SELP: variants seen among roughly 807,000 people sequenced by gnomAD.
The protein encoded by SELP is selectin P.
SELP carries 92 observed loss-of-function variants against 104.1 expected under a neutral mutation model. The observed-to-expected ratio is 0.88, with a 90% CI of 0.75 to 1.05. The LOEUF (loss-of-function observed/expected upper bound fraction) is 1.05, where lower values mean the gene tolerates loss of function less well. Ranked by LOEUF, SELP falls within the 50% of genes least tolerant of loss-of-function variation. The pLI is 0.00. For synonymous variants in SELP, 397 were observed against 364.5 expected (o/e 1.09, Z -1.01); for missense variants, 1,022 against 1,017.3 (o/e 1.00, Z -0.06).
intron 9 of SELP, 124 bp from the exon 10 acceptor site, chr1:169,603,335 G>C: frequency 2.7e-6 from 2 of 742,226 alleles, no homozygotes; most frequent in Non-Finnish European, 2.1e-6. Flanking sequence ...GTGTGTGTGT[G>C]TGTGTGTGTG....
chr1:169,613,839 A>G, intron 3 of SELP, 146 bp from the exon 4 acceptor site: 1 of 650,636 alleles, frequency 1.5e-6, no homozygotes. Flanking sequence ...CTAGAGAGCC[A>G]ACCTGTCCCT....
rs769618521 is a variant in SELP, at chr1:169,617,203, T to C, written c.306A>G (p.Thr102=). 6.8e-6 allele frequency: 11 copies of C among 1,614,234 alleles called. No individual in the cohort carries two copies. In the East Asian group the frequency reaches 1.6e-4, roughly 23 times the overall value. ...IGIRKNNKTW[T]WVGTKKALTN... is the part of the protein sequence containing the mutation. ...TGAGAGCCTTTTTGGTTCCCACCCATGTCCATGTCTTATTGTTCTTTCGGA... is the reference window on the plus strand; with the variant it reads ...TGAGAGCCTTTTTGGTTCCCACCCACGTCCATGTCTTATTGTTCTTTCGGA... The change falls in exon 3 of 17, where the codon ACA becomes ACG. Residue 102 remains threonine (T), a synonymous_variant. Transcript: ENST00000263686.
intron 3 of SELP, 73 bp downstream of exon 3, chr1:169,616,955 T>TCGGCG: frequency 7.4e-7 from 1 of 1,349,994 alleles, no homozygotes; most frequent in South Asian, 2.1e-5. Context: ...GACTCGGTGG[T>TCGGCG]TATGTTGGCC....
intron 9 of SELP, among the ~76,000 whole-genome samples, chr1:169,604,655 G>A (rs556179893): frequency 6.6e-6 from 1 of 152,124 alleles, no homozygotes; most frequent in Non-Finnish European, 1.5e-5. Context: ...CTTGTCCAAA[G>A]ATCTGGTTCT....
rs769339252 is a variant in SELP at position 169,611,682 on chromosome 1, A to G, written c.962-5T>C. The G allele has an allele frequency of 2.5e-6, 4 of 1,613,084 alleles. No individual in the cohort carries two copies. In the African/African-American group the frequency reaches 5.4e-5, roughly 22 times the overall value. The stretch of plus-strand genomic sequence containing the variant: ...CCAGGTGCTGACACTGCACAGCTGG[A>G]GAGAATAACCAAGGATAAAGAGAAA... On this transcript the variant is annotated splice_region_variant and splice_polypyrimidine_tract_variant and intron_variant, in intron 6 of 16. Transcript: ENST00000263686.
chr1:169,619,120 A>G lies in SELP; in HGVS notation c.94+9T>C. ...TTAGGCCTAAGTGAAAAGTTAGCAT[A>G]AAGTTTACCAGAGATCAGGGCACTG... is the stretch of plus-strand genomic sequence containing the variant. On this transcript the variant is annotated intron_variant, in intron 2 of 16. Transcript: ENST00000263686. The G allele has an allele frequency of 6.2e-7, 1 of 1,607,534 alleles. No individual in the cohort carries two copies.
intron 10 of SELP, among the ~76,000 whole-genome samples, chr1:169,600,233 A>AG (rs1557950796): frequency 6.6e-6 from 1 of 151,806 alleles, no homozygotes; most frequent in African/African-American, 2.4e-5. Flanking sequence ...ATTCAGAAAA[A>AG]AAATAAATTA....
rs149583921 is a variant in SELP, at chr1:169,613,927, G to A, written c.482-234C>T. On this transcript the variant is annotated intron_variant, in intron 3 of 16. Coordinates refer to ENST00000263686, the MANE Select transcript of SELP (RefSeq NM_003005.4). ...ACTGCATTTAGTATTTCCTAAGGAG[G>A]GTATTGTTGTGTGTGGACACAGAGG... 3.0e-4 allele frequency among the ~76,000 whole-genome samples: 45 copies of A among 152,330 alleles called. 2 individuals carry two copies. In the East Asian group the frequency reaches 6.9e-3, roughly 23 times the overall value.
chr1:169,608,601 TC>T (rs1662323153), intron 8 of SELP, among the ~76,000 whole-genome samples: 1 of 152,224 alleles, frequency 6.6e-6, no homozygotes, highest in Admixed American at 6.5e-5. Flanking sequence ...TTTTTACTTA[TC>T]CTTTCATCCA....
At position 169,617,242 on chromosome 1, in the gene SELP, G is replaced by C. The variant is rs745369115; in HGVS notation, c.267C>G (p.Tyr89Ter). 1 of 1,614,112 alleles carries C rather than the reference G, an allele frequency of 6.2e-7. No individual in the cohort carries two copies. Among genetic ancestry groups the C allele is most frequent in the Non-Finnish European group, 8.5e-7 (1 of 1,180,012 alleles). ...LNKVLPYYSS[Y>*]YWIGIRKNNK... is the part of the protein sequence containing the mutation. ...TGTTCTTTCGGATCCCAATCCAGTA[G>C]TAGGAGCTGTAGTAGGGTAGGACCT... Residue 89 changes from tyrosine (Y) to a stop codon, truncating the protein, a stop_gained, in exon 3 of 17, where the codon TAC (tyrosine) becomes TAG (stop). Coordinates refer to ENST00000263686, the MANE Select transcript of SELP (RefSeq NM_003005.4). LOFTEE classifies it high-confidence loss of function.
Position 169,611,492 on chromosome 1 carries a change from C to G in SELP, c.1147G>C (p.Ala383Pro). ...HWSAPLPTCE[A>P]ISCEPLESPV... is the part of the protein sequence containing the mutation. ...GGAGGTTGCTAATGAAAAATCCTAC[C>G]CTCACAGGTTGGCAAGGGTGCAGAC... The change falls in exon 7 of 17, where the codon GCT becomes CCT. Residue 383 changes from alanine (A) to proline (P), a missense_variant and splice_region_variant. Transcript: ENST00000263686. 2 of 1,613,502 alleles carry G rather than the reference C, an allele frequency of 1.2e-6. No individual in the cohort carries two copies. The highest frequency in any genetic ancestry group is 1.3e-5 in the African/African-American group (1 of 74,956).
chr1:169,612,825 G>A (rs1662610965), intron 5 of SELP, 104 bp downstream of exon 5: 1 of 954,350 alleles, frequency 1.0e-6, no homozygotes, highest in Non-Finnish European at 1.5e-6. Flanking sequence ...ATCTAACCTA[G>A]ATGGTCATTA....
At chr1:169,599,126 G>A (rs141847995) in intron 10 of SELP, among the ~76,000 whole-genome samples, 4 of 152,258 alleles carry the variant, frequency 2.6e-5, no homozygotes, top group African/African-American at 9.6e-5. Context: ...ATGTAAAGAA[G>A]TGGGTTTACC....
At chr1:169,612,534 T>C (rs1443503252) in intron 5 of SELP, 132 bp from the exon 6 acceptor site, 6 of 776,660 alleles carry the variant, frequency 7.7e-6, no homozygotes, top group Non-Finnish European at 1.3e-5. Context: ...AATGGTTAAA[T>C]GGTGTTTTCA....
In SELP at chr1:169,593,619, CG is replaced by C. The variant is rs761803870; in HGVS notation, c.2392del (p.Arg798ValfsTer12). 6.2e-7 allele frequency: 1 copy of C among 1,612,738 alleles called. No homozygotes were observed. Among genetic ancestry groups the C allele is most frequent in the South Asian group, 1.1e-5 (1 of 91,006 alleles). ...TTCCTATTTACCTTTTTGTCTGAAACGCTTTCTTAGCAAAGCCAGGAGCGTC... is the reference window on the plus strand; with the variant it reads ...TTCCTATTTACCTTTTTGTCTGAAACCTTTCTTAGCAAAGCCAGGAGCGTC... ...GGTLLALLRKRFRQKDDGKCP... is the reference protein window; with the variant it reads ...GGTLLALLRKXFRQKDDGKCP... On this transcript the variant is annotated frameshift_variant, in exon 14 of 17. Coordinates refer to ENST00000263686, the MANE Select transcript of SELP (RefSeq NM_003005.4). LOFTEE classifies it high-confidence loss of function.
chr1:169,626,915 G>A (rs575793173), intron 1 of SELP, among the ~76,000 whole-genome samples: 12 of 152,194 alleles, frequency 7.9e-5, no homozygotes, highest in East Asian at 5.8e-4. Context: ...TGGAGCCCCT[G>A]GGCTCAAGCA....
chr1:169,619,214 G>A lies in SELP; in HGVS notation c.9C>T (p.Asn3=). The A allele has an allele frequency of 1.9e-6, 3 of 1,613,766 alleles. No individual in the cohort carries two copies. The highest frequency in any genetic ancestry group is 2.5e-6 in the Non-Finnish European group (3 of 1,179,696). Reference sequence around the variant, plus strand: ...TCTGGTACAAGATGGCTATTTGGCAGTTGGCCTGAAACAAGAAGAGAAAAC... The same window carrying A: ...TCTGGTACAAGATGGCTATTTGGCAATTGGCCTGAAACAAGAAGAGAAAAC... MA[N]CQIAILYQRF... is the part of the protein sequence containing the mutation. Residue 3 remains asparagine (N), a synonymous_variant, in exon 2 of 17, where the codon AAC becomes AAT. Transcript: ENST00000263686.
chr1:169,593,251 T>C (rs899800562), intron 14 of SELP, among the ~76,000 whole-genome samples: 1 of 152,202 alleles, frequency 6.6e-6, no homozygotes, highest in Non-Finnish European at 1.5e-5. Context: ...CATAACACCT[T>C]TCTAATTAGC....
intron 8 of SELP, 48 bp downstream of exon 8, chr1:169,609,456 C>T (rs751693942): frequency 4.5e-6 from 7 of 1,555,748 alleles, no homozygotes; most frequent in Non-Finnish European, 6.1e-6. Flanking sequence ...ATGCTGATGC[C>T]TCTAACGAGC....
Sources: gnomAD v4.1 joint callset for allele counts (sites outside exome capture counted in the v4.1 genomes callset) on GRCh38, gnomAD v4.1.1 for gene constraint, MANE v1.5 for transcripts, NCBI Gene and HGNC (gene_info 2026-07-23, HGNC 2026-07-21) for gene names.